AGO3: variants seen among roughly 807,000 people sequenced by gnomAD.
The protein encoded by AGO3 is protein argonaute-3.
In AGO3, 16 loss-of-function variants were observed where a neutral mutation model predicts 105.5. The observed-to-expected ratio is 0.15, with a 90% CI of 0.10 to 0.23. The LOEUF (loss-of-function observed/expected upper bound fraction) is 0.23. Among genes scored for constraint, AGO3 ranks in the 10% least tolerant of loss-of-function variants. AGO3 has a pLI of 1.00. For synonymous variants in AGO3, 340 were observed against 367.3 expected, an observed-to-expected ratio of 0.93 and a Z score of 0.85; for missense variants, 534 against 1,088.0, an observed-to-expected ratio of 0.49 and a Z score of 7.16.
chr1:36,044,329 C>T (rs557552630), intron 17 of AGO3, among the ~76,000 whole-genome samples: 6 of 151,788 alleles, frequency 4.0e-5, no homozygotes, highest in East Asian at 1.9e-4. Flanking sequence ...GGCTAGGTGA[C>T]GGAGCCAGAC....
intron 1 of AGO3, 40 bp downstream of exon 1, chr1:35,931,485 A>G: frequency 1.4e-6 from 2 of 1,445,438 alleles, no homozygotes; most frequent in Non-Finnish European, 1.8e-6. Flanking sequence ...GATGTCACCC[A>G]GCTACTGTCC....
chr1:35,948,150 T>C (rs536971744), intron 2 of AGO3, among the ~76,000 whole-genome samples: 2 of 152,214 alleles, frequency 1.3e-5, no homozygotes, highest in South Asian at 4.1e-4. Flanking sequence ...TTCAAGTTTT[T>C]TTAGTATGCC....
intron 2 of AGO3, among the ~76,000 whole-genome samples, chr1:35,954,375 A>G (rs1215771354): frequency 6.6e-6 from 1 of 152,204 alleles, no homozygotes; most frequent in Non-Finnish European, 1.5e-5. Flanking sequence ...AGGGACTAGT[A>G]CATAAGGTAT....
Position 35,937,959 on chromosome 1 carries a change from T to C in AGO3, c.19+6514T>C, listed in dbSNP as rs543933916. Among the ~76,000 whole-genome samples the C allele has an allele frequency of 5.1e-3, 783 of 152,224 alleles. 7 individuals carry two copies. The highest frequency in any genetic ancestry group is 0.018 in the African/African-American group (730 of 41,534). ...TTGAGATCAACACAATATATTTCTT[T>C]TTCCAAAACAAAAATGTATTCTTTT... is the stretch of plus-strand genomic sequence containing the variant. On this transcript the variant is annotated intron_variant, in intron 1 of 18. Transcript: ENST00000373191.
At chr1:35,996,496 C>T (rs1638468881) in intron 5 of AGO3, among the ~76,000 whole-genome samples, 1 of 151,938 alleles carries the variant, frequency 6.6e-6, no homozygotes, top group African/African-American at 2.4e-5. Flanking sequence ...TGTGGTCGGG[C>T]ACAGTGGCTC....
chr1:35,979,686 A>G (rs1464500282), intron 5 of AGO3, among the ~76,000 whole-genome samples: 1 of 152,108 alleles, frequency 6.6e-6, no homozygotes, highest in African/African-American at 2.4e-5. Flanking sequence ...ATATATATTC[A>G]TATCTGTTTT....
At chr1:36,026,405 G>A (rs1037280034) in intron 11 of AGO3, among the ~76,000 whole-genome samples, 10 of 152,120 alleles carry the variant, frequency 6.6e-5, no homozygotes, top group African/African-American at 2.2e-4. Context: ...ACTGCACCCA[G>A]CCTCATCTGT....
intron 9 of AGO3, among the ~76,000 whole-genome samples, chr1:36,012,839 G>A (rs568657484): frequency 4.6e-4 from 70 of 151,924 alleles, no homozygotes; most frequent in Non-Finnish European, 9.4e-4. Flanking sequence ...GAGGCTGAGA[G>A]AGGAAGATGG....
At chr1:35,930,949 G>A (rs1404097486), upstream of AGO3, 2 of 306,126 alleles carry the variant, frequency 6.5e-6, no homozygotes, top group African/African-American at 4.4e-5. Context: ...CGCCGCATGT[G>A]GCCCGGCTCC....
At chr1:35,933,661 A>AG (rs1646096990) in intron 1 of AGO3, among the ~76,000 whole-genome samples, 1 of 150,808 alleles carries the variant, frequency 6.6e-6, no homozygotes, top group African/African-American at 2.4e-5. Context: ...AAAAAAAAAA[A>AG]AAAAAAAAAA....
intron 2 of AGO3, among the ~76,000 whole-genome samples, chr1:35,965,822 T>C (rs11807604): frequency 5.4e-4 from 71 of 131,396 alleles, no homozygotes; most frequent in African/African-American, 2.1e-3. Flanking sequence ...GAATCTCTCT[T>C]TTTTTTTTTT....
chr1:35,964,753 A>G (rs1646742099), intron 2 of AGO3, among the ~76,000 whole-genome samples: 1 of 152,178 alleles, frequency 6.6e-6, no homozygotes, highest in Non-Finnish European at 1.5e-5. Flanking sequence ...ACAGTGTATA[A>G]ACATTCCATT....
At chr1:36,043,613 A>T in intron 17 of AGO3, 65 bp downstream of exon 17, 2 of 1,322,024 alleles carry the variant, frequency 1.5e-6, no homozygotes, top group Non-Finnish European at 2.1e-6. Context: ...GTATTTTTTA[A>T]ATCTCAGAAA....
chr1:35,972,264 T>C, intron 4 of AGO3, 32 bp downstream of exon 4: 1 of 1,603,436 alleles, frequency 6.2e-7, no homozygotes, highest in Non-Finnish European at 8.5e-7. Flanking sequence ...CTCTTTAGAT[T>C]TTAAACTCCC....
At chr1:35,936,157 G>A (rs1322301798) in intron 1 of AGO3, among the ~76,000 whole-genome samples, 1 of 151,980 alleles carries the variant, frequency 6.6e-6, no homozygotes, top group Non-Finnish European at 1.5e-5. Context: ...TGGTTATGCT[G>A]TTAGGATACA....
rs1486115333 is a variant in AGO3, at chr1:36,063,904, A to G, written c.*8159A>G. On this transcript the variant is annotated 3_prime_UTR_variant, in exon 19 of 19. Transcript: ENST00000373191. ...GCTGGGACTACTCACATGCGCCACCATGCCCAGCTAATGGTTTTTTTCTTT... is the reference window on the plus strand; with the variant it reads ...GCTGGGACTACTCACATGCGCCACCGTGCCCAGCTAATGGTTTTTTTCTTT... The G allele has an allele frequency of 2.0e-5, 3 of 152,092 alleles. No individual in the cohort carries two copies. The highest frequency in any genetic ancestry group is 4.4e-5 in the Non-Finnish European group (3 of 68,050). 9.4% of individuals were successfully genotyped at this position (152,092 alleles called of 1,614,324 possible).
intron 2 of AGO3, among the ~76,000 whole-genome samples, chr1:35,946,769 A>G (rs1295192962): frequency 6.6e-6 from 1 of 152,234 alleles, no homozygotes; most frequent in East Asian, 1.9e-4. Context: ...AGACTTTGTG[A>G]TAACACGTTA....
intron 17 of AGO3, among the ~76,000 whole-genome samples, chr1:36,053,125 A>C (rs659761): frequency 0.73 from 110,703 of 151,928 alleles, 43,808 homozygotes; most frequent in Non-Finnish European, 0.91. Context: ...AATGCTGTTA[A>C]ACAGATTTTT....
Position 35,931,319 on chromosome 1 carries a change from GC to G in AGO3, c.-106del. Reference sequence around the variant, plus strand: ...AAGCCGTCGCCGCCCCCGCCTCGGGGCCGAGTGAGAGTGCCCGTCGCGTCGC... The same window carrying G: ...AAGCCGTCGCCGCCCCCGCCTCGGGGCGAGTGAGAGTGCCCGTCGCGTCGC... On this transcript the variant is annotated 5_prime_UTR_variant, in exon 1 of 19. Transcript: ENST00000373191. 9.2e-7 allele frequency: 1 copy of G among 1,083,902 alleles called. No individual in the cohort carries two copies. The highest frequency in any genetic ancestry group is 3.2e-5 in the East Asian group (1 of 31,092). The allele number at this position is 1,083,902 out of a possible 1,614,324, so 67.1% of individuals were successfully genotyped here.
Sources: allele counts gnomAD v4.1 joint callset (sites outside exome capture counted in the v4.1 genomes callset), GRCh38; gene constraint gnomAD v4.1.1; transcripts MANE v1.5; gene names NCBI Gene and HGNC (gene_info 2026-07-23, HGNC 2026-07-21).